Variants in CNTN4 observed in about 807,000 individuals in gnomAD.
CNTN4 encodes contactin-4.
In CNTN4, 77 loss-of-function variants were observed where a neutral mutation model predicts 122.5. The observed-to-expected ratio is 0.63, with a 90% CI of 0.52 to 0.76. The LOEUF (loss-of-function observed/expected upper bound fraction) is 0.76, where lower values mean the gene tolerates loss of function less well. Among genes scored for constraint, CNTN4 ranks in the 30% least tolerant of loss-of-function variants. CNTN4 has a pLI of 0.00. For missense variants in CNTN4, 1,256 were observed against 1,259.1 expected (o/e 1.00, Z 0.04); for synonymous variants, 512 against 447.0 (o/e 1.15, Z -1.83).
chr3:2,323,153 C>A (rs759932108), intron 2 of CNTN4, among the ~76,000 whole-genome samples: 1 of 152,148 alleles, frequency 6.6e-6, no homozygotes, highest in Non-Finnish European at 1.5e-5. Flanking sequence ...AAGAATCGGT[C>A]TCTTCCATTT....
chr3:2,894,481 T>C (rs2094083901), intron 10 of CNTN4, among the ~76,000 whole-genome samples: 1 of 152,238 alleles, frequency 6.6e-6, no homozygotes, highest in African/African-American at 2.4e-5. Context: ...TCTCTGGGCC[T>C]TACCTATAAA....
chr3:2,409,059 A>G (rs1279157545), intron 3 of CNTN4, among the ~76,000 whole-genome samples: 1 of 152,146 alleles, frequency 6.6e-6, no homozygotes, highest in Non-Finnish European at 1.5e-5. Context: ...GCGTTGTTGA[A>G]GGAAGATGAA....
chr3:2,319,933 G>T (rs2043226612), intron 2 of CNTN4, among the ~76,000 whole-genome samples: 1 of 152,130 alleles, frequency 6.6e-6, no homozygotes, highest in Admixed American at 6.5e-5. Context: ...TTTAAAGCGT[G>T]CTCTTAAAGA....
chr3:2,673,828 C>T lies in CNTN4; in HGVS notation c.56-62387C>T, dbSNP rs190455262. 5.0e-4 allele frequency among the ~76,000 whole-genome samples: 76 copies of T among 152,298 alleles called. No individual in the cohort carries two copies. The East Asian group carries it at 0.01, about 21-fold the overall frequency. ...AAGTGCTGGGATTACAGGTGCGAGT[C>T]GCTGCGCCCGGCCGGAGGGTCAGTT... is the stretch of plus-strand genomic sequence containing the variant. On this transcript the variant is annotated intron_variant, in intron 4 of 24. Transcript: ENST00000418658.
chr3:2,284,424 T>C (rs1016901198), intron 2 of CNTN4, among the ~76,000 whole-genome samples: 3 of 152,260 alleles, frequency 2.0e-5, no homozygotes, highest in South Asian at 4.1e-4. Flanking sequence ...CCTGTGTTTA[T>C]TATGCCATTA....
At chr3:2,984,166 C>T (rs539553507) in intron 13 of CNTN4, among the ~76,000 whole-genome samples, 11 of 152,136 alleles carry the variant, frequency 7.2e-5, no homozygotes, top group African/African-American at 9.7e-5. Flanking sequence ...CCTTCTACTA[C>T]GACTGTGAAA....
At chr3:2,770,173 G>A (rs1159309212) in intron 6 of CNTN4, among the ~76,000 whole-genome samples, 1 of 152,030 alleles carries the variant, frequency 6.6e-6, no homozygotes, top group Non-Finnish European at 1.5e-5. Context: ...GGGACTACAG[G>A]CACGCGTCAT....
At chr3:2,714,443 G>GT (rs2149356513) in intron 4 of CNTN4, among the ~76,000 whole-genome samples, 1 of 152,240 alleles carries the variant, frequency 6.6e-6, no homozygotes, top group South Asian at 2.1e-4. Flanking sequence ...GGTTGGAGAT[G>GT]TTTCACTGGT....
intron 2 of CNTN4, among the ~76,000 whole-genome samples, chr3:2,147,072 G>T (rs1030139539): frequency 6.6e-6 from 1 of 151,886 alleles, no homozygotes; most frequent in Non-Finnish European, 1.5e-5. Flanking sequence ...GTAGAGATGG[G>T]GTTTCATCAT....
chr3:2,679,374 G>A (rs1161979345), intron 4 of CNTN4, among the ~76,000 whole-genome samples: 1 of 152,112 alleles, frequency 6.6e-6, no homozygotes, highest in African/African-American at 2.4e-5. Context: ...ATAGGGCAGA[G>A]ACTCAGCCCA....
At chr3:2,918,027 G>A (rs1022817699) in intron 12 of CNTN4, among the ~76,000 whole-genome samples, 1 of 152,168 alleles carries the variant, frequency 6.6e-6, no homozygotes, top group Non-Finnish European at 1.5e-5. Flanking sequence ...CTTAGTGTAA[G>A]GCGTGTTGCT....
chr3:2,617,834 A>G (rs2081832125), intron 4 of CNTN4, among the ~76,000 whole-genome samples: 1 of 152,176 alleles, frequency 6.6e-6, no homozygotes, highest in Non-Finnish European at 1.5e-5. Flanking sequence ...ATCTCTGTGC[A>G]AGATGATGTC....
intron 13 of CNTN4, among the ~76,000 whole-genome samples, chr3:2,948,896 G>C (rs1329298719): frequency 3.3e-5 from 5 of 152,122 alleles, no homozygotes; most frequent in Middle Eastern, 3.4e-3. Context: ...TTTTTAAAAA[G>C]GTAAAATAAA....
chr3:3,018,656 C>T (rs1400424883), intron 14 of CNTN4, among the ~76,000 whole-genome samples: 2 of 152,130 alleles, frequency 1.3e-5, no homozygotes, highest in Non-Finnish European at 2.9e-5. Flanking sequence ...GGATAAGATA[C>T]AGAAATACTT....
chr3:2,147,279 G>C (rs1297270442), intron 2 of CNTN4, among the ~76,000 whole-genome samples: 2 of 151,992 alleles, frequency 1.3e-5, no homozygotes, highest in Non-Finnish European at 2.9e-5. Context: ...CATCAGAGGA[G>C]CATTCCAGCC....
chr3:2,256,722 C>G (rs1211876538), intron 2 of CNTN4, among the ~76,000 whole-genome samples: 3 of 152,068 alleles, frequency 2.0e-5, no homozygotes, highest in Admixed American at 6.6e-5. Context: ...CCTAGGAATA[C>G]AACTTAAAAG....
At chr3:2,283,425 A>G (rs2041794980) in intron 2 of CNTN4, among the ~76,000 whole-genome samples, 1 of 152,150 alleles carries the variant, frequency 6.6e-6, no homozygotes, top group African/African-American at 2.4e-5. Flanking sequence ...AGTATAGGCA[A>G]GTAGTCCTTG....
chr3:2,662,816 G>A (rs2083964299), intron 4 of CNTN4, among the ~76,000 whole-genome samples: 1 of 152,162 alleles, frequency 6.6e-6, no homozygotes, highest in South Asian at 2.1e-4. Flanking sequence ...AGGATGGCTG[G>A]GAACAGTGGC....
chr3:2,943,883 T>C (rs551387366), intron 13 of CNTN4, among the ~76,000 whole-genome samples: 1 of 151,936 alleles, frequency 6.6e-6, no homozygotes, highest in African/African-American at 2.4e-5. Context: ...TGGCTGGTAA[T>C]ATTTATAATG....
Sources: gnomAD v4.1 joint callset for allele counts (sites outside exome capture counted in the v4.1 genomes callset) on GRCh38, gnomAD v4.1.1 for gene constraint, MANE v1.5 for transcripts, NCBI Gene and HGNC (gene_info 2026-07-23, HGNC 2026-07-21) for gene names.